Variants in PTPRM observed in about 807,000 individuals in gnomAD.
PTPRM encodes protein tyrosine phosphatase receptor type M, also known as receptor-type tyrosine-protein phosphatase mu.
Under a neutral mutation model 186.7 loss-of-function variants are expected in PTPRM, and 47 were observed. That is an observed-to-expected ratio of 0.25 (90% CI 0.20 to 0.32). The LOEUF is 0.32. PTPRM is among the 10% of genes least tolerant of loss of function. The pLI is 1.00. For missense variants in PTPRM, 1,494 were observed against 1,865.0 expected (o/e 0.80, Z 3.66); for synonymous variants, 668 against 674.9 (o/e 0.99, Z 0.16).
intron 14 of PTPRM, among the ~76,000 whole-genome samples, chr18:8,223,803 G>A (rs376678756): frequency 1.1e-3 from 161 of 152,304 alleles, no homozygotes; most frequent in African/African-American, 3.8e-3. Flanking sequence ...ATGGTGGGGG[G>A]AGTGATAGGT....
intron 7 of PTPRM, among the ~76,000 whole-genome samples, chr18:7,988,231 A>C (rs2083075517): frequency 6.6e-6 from 1 of 152,042 alleles, no homozygotes; most frequent in Admixed American, 6.6e-5. Context: ...TCAAAAAAAA[A>C]CCAAACAAAC....
intron 31 of PTPRM, among the ~76,000 whole-genome samples, chr18:8,390,090 G>A (rs894848769): frequency 3.3e-5 from 5 of 152,216 alleles, no homozygotes; most frequent in East Asian, 1.9e-4. Flanking sequence ...TAGGAAAAGC[G>A]GTGTAATGGT....
chr18:8,344,508 C>T (rs1234697356), intron 23 of PTPRM, among the ~76,000 whole-genome samples: 3 of 147,142 alleles, frequency 2.0e-5, no homozygotes, highest in Non-Finnish European at 4.5e-5. Context: ...CTGAAAATCC[C>T]CCTACAGACA....
At chr18:7,842,344 A>G (rs2046365110) in intron 2 of PTPRM, among the ~76,000 whole-genome samples, 1 of 152,178 alleles carries the variant, frequency 6.6e-6, no homozygotes, top group African/African-American at 2.4e-5. Flanking sequence ...GCATTATGCT[A>G]AGCATCTATG....
At chr18:8,084,459 C>T (rs1343139956) in intron 9 of PTPRM, among the ~76,000 whole-genome samples, 1 of 152,060 alleles carries the variant, frequency 6.6e-6, no homozygotes, top group African/African-American at 2.4e-5. Context: ...AGATACTCTG[C>T]ATGACTCCAA....
chr18:8,348,196 G>A lies in PTPRM; in HGVS notation c.3054+4676G>A, dbSNP rs189283998. On this transcript the variant is annotated intron_variant, in intron 23 of 32. Coordinates refer to ENST00000580170, the MANE Select transcript of PTPRM (RefSeq NM_001105244.2). ...TTCATGCATTAAGCATGAGCTAGGC[G>A]GATGCGTGTTTGTTTACACAGACTT... is the stretch of plus-strand genomic sequence containing the variant. 9.8e-5 allele frequency among the ~76,000 whole-genome samples: 15 copies of A among 152,376 alleles called. No homozygotes were observed. The East Asian group carries it at 1.7e-3, about 18-fold the overall frequency.
chr18:7,849,084 C>A (rs1201424120), intron 2 of PTPRM, among the ~76,000 whole-genome samples: 1 of 152,136 alleles, frequency 6.6e-6, no homozygotes, highest in Non-Finnish European at 1.5e-5. Context: ...GAGATGGCAT[C>A]TGCCTCGTTA....
chr18:8,313,204 A>G (rs1251840083), intron 20 of PTPRM, among the ~76,000 whole-genome samples: 1 of 152,242 alleles, frequency 6.6e-6, no homozygotes, highest in Non-Finnish European at 1.5e-5. Context: ...AGAAAAAGGC[A>G]GTAGCAGTTT....
intron 20 of PTPRM, among the ~76,000 whole-genome samples, chr18:8,311,646 C>A (rs2095269602): frequency 6.6e-6 from 1 of 152,232 alleles, no homozygotes; most frequent in Non-Finnish European, 1.5e-5. Context: ...CAAAACCCAT[C>A]TCATTCTGTT....
At chr18:7,812,520 T>G (rs1459101342) in intron 2 of PTPRM, among the ~76,000 whole-genome samples, 1 of 152,222 alleles carries the variant, frequency 6.6e-6, no homozygotes, top group Non-Finnish European at 1.5e-5. Flanking sequence ...GGGCATGAGC[T>G]GCTCCAGGAA....
intron 4 of PTPRM, among the ~76,000 whole-genome samples, chr18:7,908,053 A>T (rs756245214): frequency 1.3e-5 from 2 of 152,080 alleles, no homozygotes; most frequent in African/African-American, 4.8e-5. Context: ...GGATGTGCCT[A>T]CTGGTGCAGT....
intron 5 of PTPRM, among the ~76,000 whole-genome samples, chr18:7,927,620 G>A (rs2051252433): frequency 1.3e-5 from 2 of 152,090 alleles, no homozygotes; most frequent in Admixed American, 6.6e-5. Flanking sequence ...CTCTGCACGT[G>A]CCATCTCTCC....
At chr18:8,146,874 T>C (rs1212770648) in intron 14 of PTPRM, among the ~76,000 whole-genome samples, 1 of 152,158 alleles carries the variant, frequency 6.6e-6, no homozygotes, top group African/African-American at 2.4e-5. Context: ...TGCATATGGC[T>C]AGCTATTTCC....
At chr18:8,365,914 G>A (rs1262229471) in intron 23 of PTPRM, 1 of 152,220 alleles carries the variant, frequency 6.6e-6, no homozygotes, top group Admixed American at 6.5e-5. Context: ...TGGGCACATG[G>A]CTAAATGTTT....
intron 14 of PTPRM, among the ~76,000 whole-genome samples, chr18:8,242,130 A>C (rs1428649731): frequency 1.3e-5 from 2 of 152,178 alleles, no homozygotes; most frequent in South Asian, 2.1e-4. Context: ...AAGCAAGAAA[A>C]GGCAAAGAGG....
intron 2 of PTPRM, among the ~76,000 whole-genome samples, chr18:7,790,091 C>G (rs2043268331): frequency 6.6e-6 from 1 of 152,172 alleles, no homozygotes; most frequent in Non-Finnish European, 1.5e-5. Context: ...CCCCAGGTGA[C>G]TTTGCTTGAC....
At chr18:7,808,257 A>G (rs183587164) in intron 2 of PTPRM, among the ~76,000 whole-genome samples, 2 of 152,336 alleles carry the variant, frequency 1.3e-5, no homozygotes, top group Non-Finnish European at 1.5e-5. Flanking sequence ...AATTAGAGCC[A>G]TGTGATGAAG....
At chr18:8,034,554 TAAA>T (rs2086204024) in intron 7 of PTPRM, among the ~76,000 whole-genome samples, 1 of 152,068 alleles carries the variant, frequency 6.6e-6, no homozygotes, top group Non-Finnish European at 1.5e-5. Context: ...CTGGAAGGAA[TAAA>T]GGGGCCACAA....
chr18:8,082,775 C>T (rs2090205525), intron 9 of PTPRM, among the ~76,000 whole-genome samples: 1 of 151,950 alleles, frequency 6.6e-6, no homozygotes, highest in Non-Finnish European at 1.5e-5. Flanking sequence ...CCAGTCTTCA[C>T]TTCCAGCCCA....
Sources: gnomAD v4.1 joint callset for allele counts (sites outside exome capture counted in the v4.1 genomes callset) on GRCh38, gnomAD v4.1.1 for gene constraint, MANE v1.5 for transcripts, NCBI Gene and HGNC (gene_info 2026-07-23, HGNC 2026-07-21) for gene names.